ADAMTSL1: variants seen among roughly 807,000 people sequenced by gnomAD.
ADAMTSL1 encodes the protein ADAMTS like 1, also known as ADAMTS-like protein 1.
In ADAMTSL1, 126 loss-of-function variants were observed where a neutral mutation model predicts 201.8. That is an observed-to-expected ratio of 0.62 (90% CI 0.54 to 0.72). The LOEUF is 0.72. ADAMTSL1 is among the 30% of genes least tolerant of loss of function. The pLI is 0.00. For synonymous variants in ADAMTSL1, 1,121 were observed against 903.4 expected (o/e 1.24, Z -4.32); for missense variants, 2,679 against 2,277.8 (o/e 1.18, Z -3.59).
intron 13 of ADAMTSL1, among the ~76,000 whole-genome samples, chr9:18,687,558 G>T (rs1830910254): frequency 6.6e-6 from 1 of 152,180 alleles, no homozygotes; most frequent in South Asian, 2.1e-4. Flanking sequence ...TGGTAAAGCA[G>T]TAAATATCAT....
At chr9:17,997,665 A>T (rs1340936005) in intron 1 of ADAMTSL1, among the ~76,000 whole-genome samples, 3 of 151,990 alleles carry the variant, frequency 2.0e-5, no homozygotes, top group African/African-American at 7.2e-5. Context: ...GAATTCATGC[A>T]TTACTGTTCT....
intron 2 of ADAMTSL1, among the ~76,000 whole-genome samples, chr9:18,232,469 AC>A (rs1174981457): frequency 2.0e-5 from 3 of 151,996 alleles, no homozygotes; most frequent in Non-Finnish European, 1.5e-5. Context: ...TAATTTACCC[AC>A]TTATCTTGTT....
intron 15 of ADAMTSL1, among the ~76,000 whole-genome samples, chr9:18,722,067 C>G (rs1833421669): frequency 6.6e-6 from 1 of 152,190 alleles, no homozygotes. Flanking sequence ...CCTGAAGCAA[C>G]TGGGTGGTAT....
chr9:18,177,770 G>C (rs1227645243), intron 2 of ADAMTSL1, among the ~76,000 whole-genome samples: 1 of 152,186 alleles, frequency 6.6e-6, no homozygotes, highest in Non-Finnish European at 1.5e-5. Flanking sequence ...CACTGGCAAG[G>C]ATTTGGTTAC....
At chr9:18,385,164 AT>A (rs1299747781) in intron 2 of ADAMTSL1, among the ~76,000 whole-genome samples, 1 of 152,054 alleles carries the variant, frequency 6.6e-6, no homozygotes, top group Non-Finnish European at 1.5e-5. Flanking sequence ...AGTCTGGGCT[AT>A]TTTTCTCTTT....
chr9:18,908,254 T>C, intron 28 of ADAMTSL1, 188 bp from the exon 29 acceptor site: 2 of 611,878 alleles, frequency 3.3e-6, no homozygotes, highest in Non-Finnish European at 3.0e-6. Flanking sequence ...ACCCCTGCTG[T>C]TGGCAGCCTT....
Position 18,680,759 on chromosome 9 carries a change from C to T in ADAMTSL1, c.1341+243C>T, listed in dbSNP as rs983965266. On this transcript the variant is annotated intron_variant, in intron 11 of 28. Coordinates refer to ENST00000380548, the MANE Select transcript of ADAMTSL1 (RefSeq NM_001040272.6). ...CCTCTATTGTTCCCCAGATAATGTT[C>T]CCTCAAATAGCACGGGGAAGCAACT... 9 of 508,466 alleles carry T rather than the reference C, an allele frequency of 1.8e-5. No homozygotes were observed. In the Admixed American group the frequency reaches 2.7e-4, roughly 15 times the overall value. 31.5% of individuals were successfully genotyped at this position (508,466 alleles called of 1,614,324 possible). A position where few individuals can be genotyped will look rare whatever the true frequency, so the allele number is the denominator to read the frequency against.
intron 23 of ADAMTSL1, among the ~76,000 whole-genome samples, chr9:18,883,566 C>G (rs1390161097): frequency 6.6e-6 from 1 of 152,206 alleles, no homozygotes; most frequent in Non-Finnish European, 1.5e-5. Flanking sequence ...AAACTCTGCA[C>G]TCCTCCTCCC....
At chr9:18,031,972 C>A (rs146721230) in intron 1 of ADAMTSL1, among the ~76,000 whole-genome samples, 1 of 152,176 alleles carries the variant, frequency 6.6e-6, no homozygotes. Context: ...GGATTTTAGT[C>A]CAGCTGATGA....
intron 2 of ADAMTSL1, among the ~76,000 whole-genome samples, chr9:18,344,155 G>T (rs1432655516): frequency 6.6e-6 from 1 of 152,066 alleles, no homozygotes; most frequent in Non-Finnish European, 1.5e-5. Flanking sequence ...AAAATTTAGG[G>T]TTTGGTTCAC....
intron 2 of ADAMTSL1, among the ~76,000 whole-genome samples, chr9:18,267,021 GCAAGATGTTCCA>G (rs1832145127): frequency 6.6e-6 from 1 of 152,108 alleles, no homozygotes; most frequent in African/African-American, 2.4e-5. Context: ...TTGCACATGA[GCAAGATGTTCCA>G]CAACATCTTG....
intron 4 of ADAMTSL1, among the ~76,000 whole-genome samples, chr9:18,594,580 T>C (rs1824139716): frequency 6.6e-6 from 1 of 152,200 alleles, no homozygotes; most frequent in African/African-American, 2.4e-5. Context: ...GTTTCTTCTG[T>C]TTGATTAATC....
intron 1 of ADAMTSL1, among the ~76,000 whole-genome samples, chr9:17,996,317 G>A (rs12002495): frequency 0.047 from 7,182 of 152,018 alleles, 384 homozygotes; most frequent in African/African-American, 0.12. Context: ...TTTCACTTGT[G>A]TGCTTTTACT....
At chr9:18,396,989 C>G (rs965110868) in intron 2 of ADAMTSL1, among the ~76,000 whole-genome samples, 3 of 145,602 alleles carry the variant, frequency 2.1e-5, no homozygotes, top group Non-Finnish European at 2.9e-5. Flanking sequence ...TGATCTGGCT[C>G]TTGTATTTTC....
At chr9:18,840,020 G>A (rs1224542493) in intron 23 of ADAMTSL1, among the ~76,000 whole-genome samples, 1 of 149,808 alleles carries the variant, frequency 6.7e-6, no homozygotes, top group African/African-American at 2.5e-5. Flanking sequence ...CTTTTGCTGT[G>A]CAGAAGCTCT....
At chr9:18,620,386 A>T (rs1349206143) in intron 4 of ADAMTSL1, among the ~76,000 whole-genome samples, 1 of 152,180 alleles carries the variant, frequency 6.6e-6, no homozygotes, top group Non-Finnish European at 1.5e-5. Flanking sequence ...TTCACCATTG[A>T]ATGTTGCTCC....
At chr9:18,205,782 G>C (rs949289932) in intron 2 of ADAMTSL1, among the ~76,000 whole-genome samples, 1 of 152,040 alleles carries the variant, frequency 6.6e-6, no homozygotes, top group East Asian at 1.9e-4. Context: ...GGCCAGGCAC[G>C]GTGGCTCATG....
In ADAMTSL1 at chr9:18,777,491, C is replaced by A. The variant is rs1352939648; in HGVS notation, c.3262C>A (p.Gln1088Lys). The change falls in exon 19 of 29, where the codon CAG (glutamine) becomes AAG (lysine). Residue 1088 changes from glutamine to lysine, a missense_variant. Physicochemically the swap from Gln to Lys is moderately conservative, Grantham distance 53. Transcript: ENST00000380548. ...CGACATCCTGGGGAACCTCTCCCAG[C>A]AGCCCGAGGAGCTGCGCGACCTCTA... ...LDDILGNLSQ[Q>K]PEELRDLYSK... 2.5e-6 allele frequency: 4 copies of A among 1,594,056 alleles called. No individual in the cohort carries two copies. The highest frequency in any genetic ancestry group is 3.4e-6 in the Non-Finnish European group (4 of 1,170,692).
At chr9:18,289,222 A>G (rs1197924385) in intron 2 of ADAMTSL1, among the ~76,000 whole-genome samples, 4 of 151,988 alleles carry the variant, frequency 2.6e-5, no homozygotes, top group Non-Finnish European at 5.9e-5. Flanking sequence ...TATAATTACT[A>G]TAAGGCCTTG....
Sources: gnomAD v4.1 joint callset for allele counts (sites outside exome capture counted in the v4.1 genomes callset) on GRCh38, gnomAD v4.1.1 for gene constraint, MANE v1.5 for transcripts, NCBI Gene and HGNC (gene_info 2026-07-23, HGNC 2026-07-21) for gene names.